Variants in ABCB1 observed in about 807,000 individuals in gnomAD.
ABCB1 encodes ATP binding cassette subfamily B member 1, also known as ATP-dependent translocase ABCB1.
Under a neutral mutation model 142.0 loss-of-function variants are expected in ABCB1, and 69 were observed. The ratio of observed to expected loss-of-function variants is 0.49; its 90% CI spans 0.40 to 0.59. ABCB1 has a LOEUF of 0.59. Among genes scored for constraint, ABCB1 ranks in the 20% least tolerant of loss-of-function variants. The pLI, the probability that ABCB1 is intolerant of heterozygous loss-of-function variation, is 0.00. For missense variants in ABCB1, 1,326 were observed against 1,554.7 expected, an observed-to-expected ratio of 0.85 and a Z score of 2.47; for synonymous variants, 532 against 539.2, an observed-to-expected ratio of 0.99 and a Z score of 0.18.
At chr7:87,600,345 G>A (rs1359806193) in intron 1 of ABCB1, among the ~76,000 whole-genome samples, 155 bp from the exon 2 acceptor site, 1 of 152,224 alleles carries the variant, frequency 6.6e-6, no homozygotes, top group Non-Finnish European at 1.5e-5. Context: ...GGCACTGCAG[G>A]GGCTTTCCTG....
In ABCB1 at chr7:87,703,885, CTTTTTTTTTTTTTTT is replaced by C; in HGVS notation, c.-331+9261_-331+9275del. On this transcript the variant is annotated intron_variant, in intron 1 of 28. Coordinates refer to the ABCB1 transcript ENST00000265724. ...CTTAGGTGAGCTTTATCAGTTTTTT[CTTTTTTTTTTTTTTT>C]TTTTTTTTTTTTGGTTTTTTTTTTT... is the stretch of plus-strand genomic sequence containing the variant. Among the ~76,000 whole-genome samples the C allele has an allele frequency of 1.8e-4, 11 of 60,296 alleles. No individual in the cohort carries two copies. In the East Asian group the frequency reaches 4.6e-3, roughly 25 times the overall value. The allele number at this position is 60,296 out of a possible 152,430, so 39.6% of individuals were successfully genotyped here.
intron 1 of ABCB1, among the ~76,000 whole-genome samples, chr7:87,708,927 T>G (rs1585164380): frequency 6.6e-6 from 1 of 152,196 alleles, no homozygotes; most frequent in Non-Finnish European, 1.5e-5. Flanking sequence ...TTACTTTTAC[T>G]TATTTTTTCA....
intron 21 of ABCB1, among the ~76,000 whole-genome samples, chr7:87,524,606 G>GGAA (rs1336326863): frequency 6.6e-6 from 1 of 151,752 alleles, no homozygotes; most frequent in Middle Eastern, 3.2e-3. Context: ...AAGGGGGGAG[G>GGAA]GATAGCATTA....
At position 87,674,632 on chromosome 7, in the gene ABCB1, C is replaced by A. The variant is rs1419062992; in HGVS notation, c.-331+38529G>T. ...GCCTTGGGGGTAAGCTGTGGGTGGG[C>A]TAGCATGTATTGGCAGGGGCTGGTC... On this transcript the variant is annotated intron_variant, in intron 1 of 28. Transcript: ENST00000265724. Among the ~76,000 whole-genome samples, 3 of 151,938 alleles carry A rather than the reference C, an allele frequency of 2.0e-5. No homozygotes were observed. The East Asian group carries it at 5.8e-4, about 29-fold the overall frequency.
At chr7:87,584,793 T>C (rs1818662606) in intron 4 of ABCB1, among the ~76,000 whole-genome samples, 1 of 152,164 alleles carries the variant, frequency 6.6e-6, no homozygotes, top group South Asian at 2.1e-4. Context: ...CACCTGTTAC[T>C]GTTTTCCTCC....
At chr7:87,515,107 C>A in intron 25 of ABCB1, 124 bp downstream of exon 25, 2 of 1,295,464 alleles carry the variant, frequency 1.5e-6, no homozygotes, top group Non-Finnish European at 2.1e-6. Context: ...GGCTCTCAGA[C>A]TTTATCCAAG....
intron 22 of ABCB1, 45 bp downstream of exon 22, chr7:87,520,731 T>A (rs200644063): frequency 1.3e-6 from 2 of 1,532,028 alleles, no homozygotes; most frequent in African/African-American, 1.4e-5. Context: ...ATATGATGAT[T>A]GAAAAATTAT....
At chr7:87,525,237 A>G (rs762387114) in intron 21 of ABCB1, among the ~76,000 whole-genome samples, 1 of 152,178 alleles carries the variant, frequency 6.6e-6, no homozygotes, top group East Asian at 1.9e-4. Flanking sequence ...TCCCTCGGAA[A>G]CTGTTGTGTA....
rs1816317879 is a variant in ABCB1, at chr7:87,536,870, T to C, written c.2398-329A>G. Among the ~76,000 whole-genome samples the C allele has an allele frequency of 2.0e-5, 3 of 152,018 alleles. 1 individual carries two copies. The highest frequency in any genetic ancestry group is 4.2e-4 in the South Asian group (2 of 4,810). ...CAAATAAAAGAAAAATTGAGCAGGGTAAGAAGAACAGAAAAGTGAGGGGAG... is the reference window on the plus strand; with the variant it reads ...CAAATAAAAGAAAAATTGAGCAGGGCAAGAAGAACAGAAAAGTGAGGGGAG... On this transcript the variant is annotated intron_variant, in intron 19 of 27. Transcript: ENST00000622132.
rs966406385 is a variant in ABCB1 at position 87,586,618 on chromosome 7, C to T, written c.118-938G>A. On this transcript the variant is annotated intron_variant, in intron 3 of 27. Coordinates refer to ENST00000622132, the MANE Select transcript of ABCB1 (RefSeq NM_001348946.2). The stretch of plus-strand genomic sequence containing the variant: ...TGGGTAAAAAAATCATAGGCCTAGG[C>T]AGGAAATATAAACCAAAACAAAGAT... Among the ~76,000 whole-genome samples, 13 of 152,200 alleles carry T rather than the reference C, an allele frequency of 8.5e-5. No homozygotes were observed. The East Asian group carries it at 9.7e-4, about 11-fold the overall frequency.
At chr7:87,586,829 A>G (rs1818778885) in intron 3 of ABCB1, among the ~76,000 whole-genome samples, 1 of 152,222 alleles carries the variant, frequency 6.6e-6, no homozygotes, top group Non-Finnish European at 1.5e-5. Flanking sequence ...ATGGCAGTCC[A>G]TAAAGCAGGA....
intron 9 of ABCB1, among the ~76,000 whole-genome samples, chr7:87,551,745 T>C (rs929888932): frequency 1.3e-5 from 2 of 152,240 alleles, no homozygotes; most frequent in African/African-American, 4.8e-5. Context: ...CAATTTAGAA[T>C]GCAGAATTAG....
intron 1 of ABCB1, among the ~76,000 whole-genome samples, chr7:87,621,526 A>G (rs1172134391): frequency 6.6e-6 from 1 of 152,174 alleles, no homozygotes; most frequent in Non-Finnish European, 1.5e-5. Context: ...ATGCAAAAAC[A>G]CTACAGAAAA....
intron 15 of ABCB1, 109 bp downstream of exon 15, chr7:87,545,754 T>C (rs1278125292): frequency 1.5e-5 from 19 of 1,236,414 alleles, no homozygotes; most frequent in Non-Finnish European, 1.9e-5. Flanking sequence ...CCAGGTGTTG[T>C]TTCCTACTTT....
intron 22 of ABCB1, among the ~76,000 whole-genome samples, chr7:87,520,244 C>T: frequency 6.6e-6 from 1 of 152,030 alleles, no homozygotes; most frequent in East Asian, 1.9e-4. Context: ...GCTTAAAAAT[C>T]CATCAATAAA....
chr7:87,567,737 A>C (rs548655871), intron 5 of ABCB1, among the ~76,000 whole-genome samples: 48 of 152,304 alleles, frequency 3.2e-4, no homozygotes, highest in African/African-American at 1.1e-3. Flanking sequence ...GTCTTAAAAA[A>C]CAGACCCTTA....
intron 5 of ABCB1, among the ~76,000 whole-genome samples, chr7:87,568,369 G>A (rs182607194): frequency 3.5e-4 from 52 of 149,908 alleles, no homozygotes; most frequent in African/African-American, 4.4e-4. Flanking sequence ...CACAGAGATC[G>A]TGCCACTACA....
chr7:87,626,178 C>CATATATATGTGTCATATATATTGTT, intron 1 of ABCB1, among the ~76,000 whole-genome samples: 1 of 123,042 alleles, frequency 8.1e-6, no homozygotes, highest in Non-Finnish European at 1.7e-5. Flanking sequence ...TATATATTGT[C>CATATATATGTGTCATATATATTGTT]ATATATATGT....
chr7:87,585,760 C>A (rs1325717312), intron 3 of ABCB1, 80 bp from the exon 4 acceptor site: 3 of 1,467,650 alleles, frequency 2.0e-6, no homozygotes, highest in East Asian at 4.8e-5. Context: ...CAAAATATAT[C>A]CAAAATCCAA....
Sources: gnomAD v4.1 joint callset for allele counts (sites outside exome capture counted in the v4.1 genomes callset) on GRCh38, gnomAD v4.1.1 for gene constraint, MANE v1.5 for transcripts, NCBI Gene and HGNC (gene_info 2026-07-23, HGNC 2026-07-21) for gene names.